The following ZBTB20 variants were observed in gnomAD, a reference collection of about 807,000 sequenced individuals.
The protein encoded by ZBTB20 is zinc finger and BTB domain containing 20.
Under a neutral mutation model 56.9 loss-of-function variants are expected in ZBTB20, and 9 were observed. The ratio of observed to expected loss-of-function variants is 0.16; its 90% CI spans 0.10 to 0.28. The LOEUF (loss-of-function observed/expected upper bound fraction) is 0.28, where lower values mean the gene tolerates loss of function less well. Ranked by LOEUF, ZBTB20 falls within the 10% of genes least tolerant of loss-of-function variation. The pLI is 1.00. For synonymous variants in ZBTB20, 417 were observed against 420.7 expected, an observed-to-expected ratio of 0.99 and a Z score of 0.11; for missense variants, 655 against 1,003.0, an observed-to-expected ratio of 0.65 and a Z score of 4.69.
At chr3:114,890,221 C>T (rs375314374) in intron 4 of ZBTB20, among the ~76,000 whole-genome samples, 69 of 152,186 alleles carry the variant, frequency 4.5e-4, no homozygotes, top group African/African-American at 1.5e-3. Context: ...GTTGAAAGCA[C>T]CACAGTATTT....
At chr3:115,121,811 T>C (rs923553724) in intron 1 of ZBTB20, among the ~76,000 whole-genome samples, 25 of 152,032 alleles carry the variant, frequency 1.6e-4, no homozygotes, top group Admixed American at 6.5e-4. Context: ...GTTTGCACTA[T>C]TCATAAAATT....
At chr3:114,582,189 C>T (rs2054701149) in intron 6 of ZBTB20, 1 of 152,136 alleles carries the variant, frequency 6.6e-6, no homozygotes, top group Non-Finnish European at 1.5e-5. Flanking sequence ...TATAAATATT[C>T]TGCACCTTGG....
intron 10 of ZBTB20, among the ~76,000 whole-genome samples, chr3:114,372,260 G>T (rs1050646190): frequency 6.6e-6 from 1 of 152,136 alleles, no homozygotes; most frequent in Non-Finnish European, 1.5e-5. Context: ...TTCCTGCATG[G>T]GATGAGATGG....
chr3:114,966,065 C>A (rs2077636294), intron 3 of ZBTB20, among the ~76,000 whole-genome samples: 1 of 152,122 alleles, frequency 6.6e-6, no homozygotes, highest in Non-Finnish European at 1.5e-5. Context: ...GCCATCCAAA[C>A]TACCTAATCA....
chr3:115,034,034 C>T (rs935244197), intron 2 of ZBTB20, among the ~76,000 whole-genome samples: 1 of 151,634 alleles, frequency 6.6e-6, no homozygotes, highest in African/African-American at 2.4e-5. Flanking sequence ...AACTACTTGA[C>T]AAAATCTGAC....
chr3:114,636,914 C>G (rs540093903), intron 6 of ZBTB20, among the ~76,000 whole-genome samples: 4 of 35,540 alleles, frequency 1.1e-4, no homozygotes, highest in South Asian at 3.3e-3. Context: ...AAAACAGCAA[C>G]AACAACAACA....
chr3:114,316,107 GT>G lies in ZBTB20; in HGVS notation c.*22897del, dbSNP rs1167832470. ...TCACTGTAGTAGTTTTGTTCAGTTT[GT>G]TGTGGGTGACGAGTTTAAAAATGTT... On this transcript the variant is annotated 3_prime_UTR_variant, in exon 12 of 12. Coordinates refer to ENST00000675478, the MANE Select transcript of ZBTB20 (RefSeq NM_001348800.3). The G allele has an allele frequency of 2.4e-5, 6 of 254,054 alleles. No individual in the cohort carries two copies. The highest frequency in any genetic ancestry group is 1.2e-4 in the African/African-American group (5 of 41,992). 15.7% of individuals were successfully genotyped at this position (254,054 alleles called of 1,614,324 possible). A position where few individuals can be genotyped will look rare whatever the true frequency, so the allele number is the denominator to read the frequency against.
intron 7 of ZBTB20, among the ~76,000 whole-genome samples, chr3:114,397,448 C>T (rs2086429518): frequency 6.6e-6 from 1 of 151,500 alleles, no homozygotes; most frequent in Non-Finnish European, 1.5e-5. Context: ...TTCCCATGTT[C>T]CCTTCGTATC....
rs376045562 is a variant in ZBTB20 at position 114,351,805 on chromosome 3, G to C, written c.273C>G (p.Leu91=). ...INLHNFSNSV[L]ETLNEQRNRG... The stretch of plus-strand genomic sequence containing the variant: ...GGTTGCGCTGCTCGTTGAGGGTCTC[G>C]AGCACGGAATTGCTGAAGTTGTGAA... The change falls in exon 11 of 12, where the codon CTC becomes CTG. Residue 91 remains leucine, a synonymous_variant. Coordinates refer to ENST00000675478, the MANE Select transcript of ZBTB20 (RefSeq NM_001348800.3). 3 of 1,607,908 alleles carry C rather than the reference G, an allele frequency of 1.9e-6. No homozygotes were observed. The highest frequency in any genetic ancestry group is 2.2e-5 in the South Asian group (2 of 91,004).
At chr3:114,585,124 G>A (rs1047740017) in intron 6 of ZBTB20, among the ~76,000 whole-genome samples, 1 of 152,038 alleles carries the variant, frequency 6.6e-6, no homozygotes, top group African/African-American at 2.4e-5. Flanking sequence ...GGGTCCCTGA[G>A]GGGAGGAAGT....
intron 2 of ZBTB20, among the ~76,000 whole-genome samples, chr3:115,010,648 A>C (rs548719965): frequency 2.7e-4 from 41 of 152,090 alleles, no homozygotes; most frequent in African/African-American, 9.9e-4. Context: ...GTCTTTTCAA[A>C]TATCTGGAAC....
chr3:114,451,359 T>C (rs1170356084), intron 7 of ZBTB20, among the ~76,000 whole-genome samples: 5 of 151,654 alleles, frequency 3.3e-5, no homozygotes, highest in Admixed American at 6.6e-5. Context: ...AAGGGGAGGG[T>C]TAAATTAAGG....
chr3:114,562,274 C>T (rs2052166869), intron 6 of ZBTB20, among the ~76,000 whole-genome samples: 1 of 151,844 alleles, frequency 6.6e-6, no homozygotes, highest in African/African-American at 2.4e-5. Flanking sequence ...AAGCGATTCT[C>T]CTGCCTCAGC....
intron 5 of ZBTB20, among the ~76,000 whole-genome samples, chr3:114,721,295 C>G (rs1352198934): frequency 1.3e-5 from 2 of 151,936 alleles, no homozygotes; most frequent in Non-Finnish European, 1.5e-5. Context: ...AAAACTGAAA[C>G]AGGGAGAGCA....
intron 6 of ZBTB20, among the ~76,000 whole-genome samples, chr3:114,635,432 C>A (rs1380836023): frequency 6.6e-6 from 1 of 152,112 alleles, no homozygotes; most frequent in Non-Finnish European, 1.5e-5. Flanking sequence ...AAAGAGTCAT[C>A]TCCAATAACC....
intron 7 of ZBTB20, among the ~76,000 whole-genome samples, chr3:114,423,429 T>C (rs1166823962): frequency 6.6e-6 from 1 of 152,226 alleles, no homozygotes; most frequent in African/African-American, 2.4e-5. Context: ...ATTCACCCTG[T>C]GTTTTATACC....
At chr3:114,477,910 CTTCTTTCT>C (rs1368943372) in intron 7 of ZBTB20, among the ~76,000 whole-genome samples, 2 of 126,404 alleles carry the variant, frequency 1.6e-5, no homozygotes, top group Non-Finnish European at 3.3e-5. Flanking sequence ...TTCTTCTTTC[CTTCTTTCT>C]TTCTTTCTCT....
chr3:114,818,571 C>T (rs2073071785), intron 4 of ZBTB20, among the ~76,000 whole-genome samples: 1 of 151,806 alleles, frequency 6.6e-6, no homozygotes, highest in African/African-American at 2.4e-5. Flanking sequence ...AAGTCTATGT[C>T]CATGAGTTAC....
intron 4 of ZBTB20, among the ~76,000 whole-genome samples, chr3:114,880,977 GC>G (rs1168232642): frequency 6.6e-6 from 1 of 151,916 alleles, no homozygotes; most frequent in Non-Finnish European, 1.5e-5. Flanking sequence ...TACACTGATA[GC>G]GTACTACTTT....
Sources: allele counts gnomAD v4.1 joint callset (sites outside exome capture counted in the v4.1 genomes callset), GRCh38; gene constraint gnomAD v4.1.1; transcripts MANE v1.5; gene names NCBI Gene and HGNC (gene_info 2026-07-23, HGNC 2026-07-21).